CELF5: variants seen among roughly 807,000 people sequenced by gnomAD.
The protein encoded by CELF5 is CUG-BP and ETR-3 like factor 5.
In CELF5, 6 loss-of-function variants were observed where a neutral mutation model predicts 54.9. That is an observed-to-expected ratio of 0.11 (90% CI 0.06 to 0.22). The LOEUF (loss-of-function observed/expected upper bound fraction) is 0.22. Ranked by LOEUF, CELF5 falls within the 10% of genes least tolerant of loss-of-function variation. The pLI, the probability that CELF5 is intolerant of heterozygous loss-of-function variation, is 1.00. For missense variants in CELF5, 401 were observed against 678.6 expected, an observed-to-expected ratio of 0.59 and a Z score of 4.54; for synonymous variants, 271 against 290.9, an observed-to-expected ratio of 0.93 and a Z score of 0.70.
At chr19:3,245,527 A>AGGG (rs961564180) in intron 1 of CELF5, among the ~76,000 whole-genome samples, 3 of 150,056 alleles carry the variant, frequency 2.0e-5, no homozygotes, top group Non-Finnish European at 4.4e-5. Flanking sequence ...CTAGCCTCCT[A>AGGG]GGGCCACCAC....
chr19:3,249,210 A>G (rs1160492085), intron 1 of CELF5, among the ~76,000 whole-genome samples: 1 of 151,998 alleles, frequency 6.6e-6, no homozygotes, highest in Non-Finnish European at 1.5e-5. Context: ...AGGGTTTGAC[A>G]ACATCGGAGC....
At chr19:3,274,499 G>A (rs987243951) in intron 3 of CELF5, among the ~76,000 whole-genome samples, 6 of 152,184 alleles carry the variant, frequency 3.9e-5, no homozygotes, top group Non-Finnish European at 8.8e-5. Context: ...CCCAGCCCGC[G>A]CATGGGTGTG....
intron 2 of CELF5, among the ~76,000 whole-genome samples, chr19:3,266,641 C>A (rs1568348362): frequency 6.6e-6 from 1 of 152,240 alleles, no homozygotes; most frequent in Non-Finnish European, 1.5e-5. Context: ...ACACGTCACA[C>A]TTCTCTCAAG....
intron 11 of CELF5, 151 bp downstream of exon 11, chr19:3,290,525 C>CTG (rs1184427491): frequency 4.0e-6 from 3 of 758,280 alleles, no homozygotes; most frequent in Non-Finnish European, 4.3e-6. Context: ...TGGATCACGC[C>CTG]TGTGATCCCA....
At chr19:3,244,708 CT>C (rs2079539912) in intron 1 of CELF5, among the ~76,000 whole-genome samples, 1 of 134,766 alleles carries the variant, frequency 7.4e-6, no homozygotes, top group South Asian at 2.5e-4. Flanking sequence ...GTGTATGCAT[CT>C]GTGCATGTGT....
At chr19:3,240,042 T>C (rs1223293565) in intron 1 of CELF5, among the ~76,000 whole-genome samples, 1 of 151,440 alleles carries the variant, frequency 6.6e-6, no homozygotes, top group East Asian at 1.9e-4. Flanking sequence ...AGAGTTTTGC[T>C]CTGTTGCTCA....
At chr19:3,254,065 TG>T (rs1292642676) in intron 2 of CELF5, among the ~76,000 whole-genome samples, 2 of 152,084 alleles carry the variant, frequency 1.3e-5, no homozygotes. Context: ...GGAGGGAAGA[TG>T]GAAGAGGGTG....
chr19:3,278,012 T>G lies in CELF5; in HGVS notation c.524-19T>G, dbSNP rs1468870559. 1.2e-6 allele frequency: 2 copies of G among 1,611,286 alleles called. No individual in the cohort carries two copies. The highest frequency in any genetic ancestry group is 1.3e-5 in the African/African-American group (1 of 74,828). ...TGTGACCCCATCACCCTCTACCTCTTCTTCTTCTCTTGGAGCAGGCTGTGC... is the reference window on the plus strand; with the variant it reads ...TGTGACCCCATCACCCTCTACCTCTGCTTCTTCTCTTGGAGCAGGCTGTGC... On this transcript the variant is annotated intron_variant, in intron 4 of 12. Transcript: ENST00000292672. The surrounding 1 kb of genome is among the most constrained non-coding windows in gnomAD (Gnocchi z 4.5).
At chr19:3,237,128 C>G (rs1206773279) in intron 1 of CELF5, among the ~76,000 whole-genome samples, 1 of 150,562 alleles carries the variant, frequency 6.6e-6, no homozygotes, top group African/African-American at 2.4e-5. Context: ...CTGGCTAACA[C>G]GGTGAAACCC....
chr19:3,224,677 G>T lies in CELF5; in HGVS notation c.-63G>T. 1.0e-6 allele frequency: 1 copy of T among 986,770 alleles called. No homozygotes were observed. 61.1% of individuals were successfully genotyped at this position (986,770 alleles called of 1,614,324 possible). A position where few individuals can be genotyped will look rare whatever the true frequency, so the allele number is the denominator to read the frequency against. ...GAGGGAGGCGGGAGGCGCGGCCGCC[G>T]CTCCAGCTGCGAGTCCGCCCGCCGC... On this transcript the variant is annotated 5_prime_UTR_variant, in exon 1 of 13. Coordinates refer to ENST00000292672, the MANE Select transcript of CELF5 (RefSeq NM_021938.4).
At position 3,234,689 on chromosome 19, in the gene CELF5, C is replaced by T. The variant is rs1040783967; in HGVS notation, c.259+9691C>T. 5.3e-5 allele frequency among the ~76,000 whole-genome samples: 8 copies of T among 152,210 alleles called. 1 individual carries two copies. Among genetic ancestry groups the T allele is most frequent in the African/African-American group, 1.9e-4 (8 of 41,520 alleles). The stretch of plus-strand genomic sequence containing the variant: ...AGGCCTGAAGGTACCTAGGACAAAA[C>T]CTGGGAATGCCCTTGACTTCCCTCT... On this transcript the variant is annotated intron_variant, in intron 1 of 12. Coordinates refer to ENST00000292672, the MANE Select transcript of CELF5 (RefSeq NM_021938.4).
intron 1 of CELF5, among the ~76,000 whole-genome samples, chr19:3,235,213 T>C (rs1340877319): frequency 6.6e-6 from 1 of 152,152 alleles, no homozygotes; most frequent in Non-Finnish European, 1.5e-5. Context: ...GCTCCTTCCT[T>C]TCTCTTCTGT....
chr19:3,258,874 G>A (rs1599429442), intron 2 of CELF5, among the ~76,000 whole-genome samples: 1 of 152,234 alleles, frequency 6.6e-6, no homozygotes, highest in Non-Finnish European at 1.5e-5. Flanking sequence ...GCCTCCCAAA[G>A]CGCTGAGATT....
At chr19:3,253,198 G>C in intron 2 of CELF5, among the ~76,000 whole-genome samples, 1 of 151,964 alleles carries the variant, frequency 6.6e-6, no homozygotes, top group East Asian at 1.9e-4. Context: ...TAGTGCCCAG[G>C]GGCACAGCAG....
intron 1 of CELF5, 139 bp from the exon 2 acceptor site, chr19:3,250,846 G>T (rs1352925323): frequency 1.6e-6 from 1 of 631,724 alleles, no homozygotes; most frequent in Admixed American, 2.6e-5. Flanking sequence ...CCGTTGCGTG[G>T]ATGCACCAGG....
At chr19:3,276,021 G>C in intron 4 of CELF5, 37 bp downstream of exon 4, 2 of 1,406,724 alleles carry the variant, frequency 1.4e-6, no homozygotes, top group Non-Finnish European at 1.9e-6. Flanking sequence ...TGCGAGAGGG[G>C]CCGGGCTAGC....
chr19:3,275,844 C>T lies in CELF5; in HGVS notation c.395-12C>T. ...CCGGGGACTCGGCTGAGGTGGGTGT[C>T]GCCGCCCACAGGGGACCGGAAGCTG... On this transcript the variant is annotated splice_polypyrimidine_tract_variant and intron_variant, in intron 3 of 12. Coordinates refer to ENST00000292672, the MANE Select transcript of CELF5 (RefSeq NM_021938.4). The surrounding 1 kb of genome is among the most constrained non-coding windows in gnomAD (Gnocchi z 6.7). 6.2e-7 allele frequency: 1 copy of T among 1,600,194 alleles called. No homozygotes were observed. The highest frequency in any genetic ancestry group is 8.5e-7 in the Non-Finnish European group (1 of 1,170,190).
intron 9 of CELF5, 142 bp downstream of exon 9, chr19:3,285,106 C>T (rs2080217280): frequency 1.5e-6 from 1 of 659,488 alleles, no homozygotes; most frequent in African/African-American, 1.8e-5. Flanking sequence ...AGGGCCCACC[C>T]TTAGCCCCTT....
At chr19:3,288,120 T>G (rs2080283968) in intron 10 of CELF5, among the ~76,000 whole-genome samples, 1 of 152,200 alleles carries the variant, frequency 6.6e-6, no homozygotes, top group Non-Finnish European at 1.5e-5. Context: ...GATGTGTTTT[T>G]CAGCGGTCGC....
Sources: allele counts gnomAD v4.1 joint callset (sites outside exome capture counted in the v4.1 genomes callset), GRCh38; gene constraint gnomAD v4.1.1; non-coding constraint Gnocchi (gnomAD v3.1); transcripts MANE v1.5; gene names NCBI Gene and HGNC (gene_info 2026-07-23, HGNC 2026-07-21).